ABTB3: variants seen among roughly 807,000 people sequenced by gnomAD.
ABTB3 encodes the protein ankyrin repeat and BTB domain containing 3, also known as ankyrin repeat- and BTB/POZ domain-containing protein 3.
chr12:107,437,302 C>T, the ABTB3 span, among the ~76,000 whole-genome samples: 1 of 152,198 alleles, frequency 6.6e-6, no homozygotes, highest in African/African-American at 2.4e-5. Flanking sequence ...CCTCTTTCAG[C>T]TTCTGGGGCC....
At chr12:107,475,025 C>T in the ABTB3 span, among the ~76,000 whole-genome samples, 9 of 152,160 alleles carry the variant, frequency 5.9e-5, no homozygotes, top group African/African-American at 2.2e-4. Context: ...TTGGCTCTCC[C>T]AGTACTGAGT....
the ABTB3 span, among the ~76,000 whole-genome samples, chr12:107,654,815 T>TACACACACACAC: frequency 6.4e-3 from 899 of 141,240 alleles, 14 homozygotes; most frequent in African/African-American, 0.022. Context: ...CTACATTGTA[T>TACACACACACAC]ACACACACAC....
the ABTB3 span, among the ~76,000 whole-genome samples, chr12:107,651,324 A>G: frequency 6.6e-6 from 1 of 152,216 alleles, no homozygotes; most frequent in Non-Finnish European, 1.5e-5. Flanking sequence ...AGACCTGGAC[A>G]ACAGAGTGAG....
the ABTB3 span, among the ~76,000 whole-genome samples, chr12:107,473,995 G>A: frequency 1.3e-5 from 2 of 152,052 alleles, no homozygotes; most frequent in African/African-American, 4.8e-5. Context: ...TGTTGGCCAG[G>A]CTGGTCTCAA....
chr12:107,397,334 A>G, the ABTB3 span, among the ~76,000 whole-genome samples: 5 of 152,108 alleles, frequency 3.3e-5, no homozygotes, highest in African/African-American at 1.2e-4. Context: ...TGGAGCTCAG[A>G]CCTGTCTTTG....
chr12:107,512,783 T>C, the ABTB3 span, among the ~76,000 whole-genome samples: 1 of 152,230 alleles, frequency 6.6e-6, no homozygotes, highest in South Asian at 2.1e-4. Flanking sequence ...AAAGTAGAGA[T>C]AATAATGGCA....
the ABTB3 span, among the ~76,000 whole-genome samples, chr12:107,564,876 C>G: frequency 6.6e-6 from 1 of 152,232 alleles, no homozygotes; most frequent in African/African-American, 2.4e-5. Context: ...TTGCACAGGC[C>G]TTGTTTCCTA....
the ABTB3 span, among the ~76,000 whole-genome samples, chr12:107,446,216 A>G: frequency 2.0e-5 from 3 of 152,128 alleles, no homozygotes; most frequent in African/African-American, 7.2e-5. Flanking sequence ...GGAGCCTTCC[A>G]GATCTCCTAG....
chr12:107,478,531 A>G, the ABTB3 span, among the ~76,000 whole-genome samples: 10 of 152,206 alleles, frequency 6.6e-5, no homozygotes, highest in Non-Finnish European at 1.3e-4. Context: ...ATTAAAGAAA[A>G]GAATTAATTA....
the ABTB3 span, among the ~76,000 whole-genome samples, chr12:107,573,464 CGATG>C: frequency 0.011 from 1,470 of 139,606 alleles, 24 homozygotes; most frequent in South Asian, 0.058. Flanking sequence ...GTGGATGAAT[CGATG>C]GATGGATGGA....
the ABTB3 span, among the ~76,000 whole-genome samples, chr12:107,584,989 G>A: frequency 6.6e-6 from 1 of 152,078 alleles, no homozygotes; most frequent in African/African-American, 2.4e-5. Flanking sequence ...TCTTTGGAAG[G>A]TGAAGGAGTG....
chr12:107,381,437 G>A, the ABTB3 span, among the ~76,000 whole-genome samples: 11 of 152,320 alleles, frequency 7.2e-5, no homozygotes, highest in Middle Eastern at 3.4e-3. Context: ...GTATGCAAAG[G>A]GGCTTCCTAA....
At chr12:107,608,696 CCT>C in the ABTB3 span, among the ~76,000 whole-genome samples, 2 of 151,748 alleles carry the variant, frequency 1.3e-5, no homozygotes, top group Non-Finnish European at 2.9e-5. Context: ...ATAACAAGAC[CCT>C]GTCTTTACAA....
the ABTB3 span, among the ~76,000 whole-genome samples, chr12:107,398,826 T>C: frequency 1.3e-5 from 2 of 152,170 alleles, no homozygotes; most frequent in Non-Finnish European, 2.9e-5. Context: ...AAAACACGGT[T>C]TGGCTTAGCA....
the ABTB3 span, among the ~76,000 whole-genome samples, chr12:107,495,002 T>C: frequency 2.6e-5 from 4 of 152,060 alleles, no homozygotes; most frequent in African/African-American, 9.7e-5. Context: ...GCCAGGGAAA[T>C]GCAGGTATAG....
At chr12:107,619,908 C>T in the ABTB3 span, 2 of 1,358,650 alleles carry the variant, frequency 1.5e-6, no homozygotes, top group Non-Finnish European at 2.0e-6. Flanking sequence ...AACTCGCCTG[C>T]TCCTCTGGTT....
At chr12:107,509,230 G>A in the ABTB3 span, among the ~76,000 whole-genome samples, 3 of 152,166 alleles carry the variant, frequency 2.0e-5, no homozygotes, top group African/African-American at 7.2e-5. Context: ...AGAGAAGGAG[G>A]GATGACAAAG....
At chr12:107,631,829 C>A in the ABTB3 span, among the ~76,000 whole-genome samples, 1 of 152,166 alleles carries the variant, frequency 6.6e-6, no homozygotes, top group African/African-American at 2.4e-5. Context: ...GGTGAGTTAT[C>A]ACTATTGATG....
chr12:107,374,628 G>A, the ABTB3 span: 1 of 152,312 alleles, frequency 6.6e-6, no homozygotes, highest in South Asian at 2.1e-4. Flanking sequence ...GTGAACCCCA[G>A]GGGAGCATTT....
Sources: gnomAD v4.1 joint callset for allele counts (sites outside exome capture counted in the v4.1 genomes callset) on GRCh38, gnomAD v4.1.1 for gene constraint, MANE v1.5 for transcripts, NCBI Gene and HGNC (gene_info 2026-07-23, HGNC 2026-07-21) for gene names.